The following ANKRD12 variants were observed in gnomAD, a reference collection of about 807,000 sequenced individuals.
The protein encoded by ANKRD12 is ankyrin repeat domain 12, also known as ankyrin repeat domain-containing protein 12.
In ANKRD12, 85 loss-of-function variants were observed where a neutral mutation model predicts 183.4. The observed-to-expected ratio is 0.46, with a 90% CI of 0.39 to 0.56. The LOEUF is 0.56. ANKRD12 is among the 20% of genes least tolerant of loss of function. The pLI, the probability that ANKRD12 is intolerant of heterozygous loss-of-function variation, is 0.00. For missense variants in ANKRD12, 2,405 were observed against 2,357.1 expected (o/e 1.02, Z -0.42); for synonymous variants, 914 against 800.2 (o/e 1.14, Z -2.40).
chr18:9,269,479 A>G (rs888204529), intron 10 of ANKRD12, among the ~76,000 whole-genome samples: 12 of 152,202 alleles, frequency 7.9e-5, no homozygotes, highest in African/African-American at 2.4e-4. Flanking sequence ...ATCTACAACC[A>G]TCTGATCTTT....
intron 8 of ANKRD12, among the ~76,000 whole-genome samples, chr18:9,226,308 C>A (rs902849495): frequency 2.6e-5 from 4 of 151,984 alleles, no homozygotes; most frequent in Admixed American, 6.6e-5. Context: ...GCCTGTAGTC[C>A]CAGCTACTCA....
intron 6 of ANKRD12, among the ~76,000 whole-genome samples, chr18:9,215,285 T>C (rs1294375171): frequency 6.6e-6 from 1 of 152,116 alleles, no homozygotes; most frequent in African/African-American, 2.4e-5. Context: ...GTAAATACAG[T>C]TGGGTTTATG....
chr18:9,173,620 G>GT (rs2032962992), intron 1 of ANKRD12, among the ~76,000 whole-genome samples: 1 of 142,794 alleles, frequency 7.0e-6, no homozygotes, highest in Non-Finnish European at 1.6e-5. Flanking sequence ...GGGTGGTGGG[G>GT]GGGGGGTAGG....
In ANKRD12 at chr18:9,254,140, G is replaced by GA. The variant is rs35153508; in HGVS notation, c.944-62dup. 4,453 of 1,419,700 alleles carry GA rather than the reference G, an allele frequency of 3.1e-3. 11 individuals are homozygous for GA. The highest frequency in any genetic ancestry group is 3.2e-3 in the Non-Finnish European group (3,511 of 1,087,100). 87.9% of individuals were successfully genotyped at this position (1,419,700 alleles called of 1,614,324 possible). On this transcript the variant is annotated intron_variant, in intron 8 of 12. Coordinates refer to ENST00000262126, the MANE Select transcript of ANKRD12 (RefSeq NM_015208.5). The stretch of plus-strand genomic sequence containing the variant: ...TTGTATAAGCTATATCTTTTTCTCA[G>GA]AAAAAAAAATTATTTTTCTGGCAGT...
intron 7 of ANKRD12, among the ~76,000 whole-genome samples, chr18:9,217,150 G>C (rs985804198): frequency 6.6e-6 from 1 of 151,970 alleles, no homozygotes; most frequent in Non-Finnish European, 1.5e-5. Flanking sequence ...TTATTTCAAG[G>C]CATTCTTTAT....
At chr18:9,270,015 C>T (rs1376401166) in intron 10 of ANKRD12, among the ~76,000 whole-genome samples, 1 of 152,178 alleles carries the variant, frequency 6.6e-6, no homozygotes, top group Non-Finnish European at 1.5e-5. Flanking sequence ...TGAAAAAATG[C>T]TCATCATCAC....
intron 1 of ANKRD12, among the ~76,000 whole-genome samples, chr18:9,159,784 C>T (rs2031143560): frequency 6.6e-6 from 1 of 150,554 alleles, no homozygotes; most frequent in Admixed American, 6.6e-5. Context: ...TTTCTTTATA[C>T]ATGTATAGTA....
intron 9 of ANKRD12, 92 bp from the exon 10 acceptor site, chr18:9,263,698 T>C: frequency 4.3e-6 from 4 of 930,746 alleles, no homozygotes; most frequent in Non-Finnish European, 5.9e-6. Flanking sequence ...GAATTTGTTT[T>C]TTTATGCACT....
intron 1 of ANKRD12, among the ~76,000 whole-genome samples, chr18:9,172,961 G>A (rs146198546): frequency 0.019 from 2,942 of 151,878 alleles, 44 homozygotes; most frequent in Middle Eastern, 0.048. Flanking sequence ...GAGTACAGTG[G>A]CACAATCCCA....
At chr18:9,142,148 GT>G (rs1250520701) in intron 1 of ANKRD12, among the ~76,000 whole-genome samples, 2 of 152,312 alleles carry the variant, frequency 1.3e-5, no homozygotes, top group Non-Finnish European at 2.9e-5. Context: ...CTACATAGGA[GT>G]TTTGTCAGCA....
intron 1 of ANKRD12, among the ~76,000 whole-genome samples, chr18:9,155,005 A>G (rs1029516444): frequency 1.3e-5 from 2 of 152,242 alleles, no homozygotes; most frequent in African/African-American, 2.4e-5. Context: ...ATTCAAAGCC[A>G]TGAGACTGGA....
At chr18:9,235,410 G>A (rs2037286790) in intron 8 of ANKRD12, among the ~76,000 whole-genome samples, 1 of 152,066 alleles carries the variant, frequency 6.6e-6, no homozygotes, top group African/African-American at 2.4e-5. Context: ...TTCATCATAG[G>A]TAAAGAGAAG....
At chr18:9,204,343 C>A in intron 3 of ANKRD12, 133 bp from the exon 4 acceptor site, 1 of 683,868 alleles carries the variant, frequency 1.5e-6, no homozygotes, top group Non-Finnish European at 2.5e-6. Flanking sequence ...TTTGGCTTTA[C>A]TTTAAAAATA....
At chr18:9,168,661 A>G (rs1172845731) in intron 1 of ANKRD12, among the ~76,000 whole-genome samples, 1 of 152,054 alleles carries the variant, frequency 6.6e-6, no homozygotes, top group Non-Finnish European at 1.5e-5. Context: ...TGATCTTTTC[A>G]GAAAACCAGC....
At chr18:9,145,661 T>C (rs1458518621) in intron 1 of ANKRD12, among the ~76,000 whole-genome samples, 1 of 152,212 alleles carries the variant, frequency 6.6e-6, no homozygotes, top group Non-Finnish European at 1.5e-5. Flanking sequence ...GTGGTCTGAC[T>C]GGCATAAGAG....
intron 8 of ANKRD12, among the ~76,000 whole-genome samples, chr18:9,234,727 A>G (rs2037245009): frequency 6.6e-6 from 1 of 152,016 alleles, no homozygotes. Context: ...TAGGTACCAG[A>G]GGCGGGGAAA....
At chr18:9,150,918 G>A (rs2078663844) in intron 1 of ANKRD12, among the ~76,000 whole-genome samples, 1 of 151,960 alleles carries the variant, frequency 6.6e-6, no homozygotes, top group South Asian at 2.1e-4. Context: ...CTCCCAAAGT[G>A]CTGGGATTAC....
rs1204484217 is a variant in ANKRD12, at chr18:9,244,206, A to C, written c.944-10005A>C. Among the ~76,000 whole-genome samples the C allele has an allele frequency of 2.6e-5, 4 of 152,226 alleles. No individual in the cohort carries two copies. The East Asian group carries it at 7.7e-4, about 29-fold the overall frequency. On this transcript the variant is annotated intron_variant, in intron 8 of 12. Transcript: ENST00000262126. ...CTTTTAGATCAAAGGGAATTATTTTAAACCTAGAATGCTATCATCAGCCAA... is the reference window on the plus strand; with the variant it reads ...CTTTTAGATCAAAGGGAATTATTTTCAACCTAGAATGCTATCATCAGCCAA...
intron 8 of ANKRD12, among the ~76,000 whole-genome samples, chr18:9,224,074 A>G (rs75432067): frequency 0.013 from 2,001 of 152,316 alleles, 38 homozygotes; most frequent in African/African-American, 0.046. Context: ...GCAGAATGAA[A>G]CCAGGAGTTG....
Sources: gnomAD v4.1 joint callset for allele counts (sites outside exome capture counted in the v4.1 genomes callset) on GRCh38, gnomAD v4.1.1 for gene constraint, MANE v1.5 for transcripts, NCBI Gene and HGNC (gene_info 2026-07-23, HGNC 2026-07-21) for gene names.